The following TMEM178B variants were observed in gnomAD, a reference collection of about 807,000 sequenced individuals.
TMEM178B encodes the protein transmembrane protein 178B.
TMEM178B carries 5 observed loss-of-function variants against 31.0 expected under a neutral mutation model. The ratio of observed to expected loss-of-function variants is 0.16; its 90% CI spans 0.08 to 0.34. TMEM178B has a LOEUF of 0.34. TMEM178B is among the 10% of genes least tolerant of loss of function. The probability of loss-of-function intolerance (pLI) is 1.00; values close to 1 mark genes in which losing one functional copy is unlikely to be tolerated. For missense variants in TMEM178B, 275 were observed against 400.3 expected (o/e 0.69, Z 2.67); for synonymous variants, 164 against 164.0 (o/e 1.00, Z 0.00).
intron 1 of TMEM178B, among the ~76,000 whole-genome samples, chr7:141,082,031 C>G (rs770253610): frequency 3.9e-5 from 6 of 152,234 alleles, no homozygotes; most frequent in African/African-American, 1.4e-4. Context: ...GTATTCAGTA[C>G]AGTAACATGC....
chr7:141,452,162 C>T (rs1801876927), intron 3 of TMEM178B, among the ~76,000 whole-genome samples: 1 of 152,220 alleles, frequency 6.6e-6, no homozygotes, highest in Non-Finnish European at 1.5e-5. Flanking sequence ...ATTATCTCTG[C>T]ACAAATGAAT....
At chr7:141,457,530 C>T (rs1244951657) in intron 3 of TMEM178B, among the ~76,000 whole-genome samples, 1 of 151,982 alleles carries the variant, frequency 6.6e-6, no homozygotes, top group Non-Finnish European at 1.5e-5. Flanking sequence ...AGAATGGCTT[C>T]CTCATAAGAA....
intron 2 of TMEM178B, among the ~76,000 whole-genome samples, chr7:141,357,857 C>T (rs984715647): frequency 2.0e-5 from 3 of 152,296 alleles, no homozygotes; most frequent in South Asian, 2.1e-4. Context: ...CATGTGAGAA[C>T]ATTATCCAGA....
intron 2 of TMEM178B, among the ~76,000 whole-genome samples, chr7:141,213,062 G>T (rs1563119296): frequency 1.3e-5 from 2 of 152,158 alleles, no homozygotes; most frequent in Non-Finnish European, 2.9e-5. Context: ...CAAGTTGCTT[G>T]GAATATTATT....
chr7:141,160,802 G>A (rs1796156897), intron 1 of TMEM178B, among the ~76,000 whole-genome samples: 1 of 152,122 alleles, frequency 6.6e-6, no homozygotes, highest in Admixed American at 6.5e-5. Context: ...CAATTAATTG[G>A]CCTGCATAGA....
intron 1 of TMEM178B, among the ~76,000 whole-genome samples, chr7:141,140,630 C>T (rs909795255): frequency 6.6e-6 from 1 of 152,176 alleles, no homozygotes; most frequent in African/African-American, 2.4e-5. Context: ...ATCCAGGACT[C>T]CATATTAGAT....
chr7:141,160,148 C>T (rs973846004), intron 1 of TMEM178B, among the ~76,000 whole-genome samples: 1 of 151,668 alleles, frequency 6.6e-6, no homozygotes, highest in Non-Finnish European at 1.5e-5. Flanking sequence ...TTTTGCTGCA[C>T]CCATCACCCG....
At chr7:141,170,029 A>G (rs1285966476) in intron 1 of TMEM178B, among the ~76,000 whole-genome samples, 1 of 152,226 alleles carries the variant, frequency 6.6e-6, no homozygotes, top group Admixed American at 6.5e-5. Context: ...TGTATTTCAC[A>G]TTCTTTGGCT....
intron 2 of TMEM178B, among the ~76,000 whole-genome samples, chr7:141,359,512 A>G (rs1799880379): frequency 6.6e-6 from 1 of 152,220 alleles, no homozygotes; most frequent in South Asian, 2.1e-4. Flanking sequence ...GACTGTAAAC[A>G]ATCGTGATGA....
At chr7:141,206,513 G>A (rs1351975322) in intron 1 of TMEM178B, among the ~76,000 whole-genome samples, 20 of 152,254 alleles carry the variant, frequency 1.3e-4, no homozygotes, top group Admixed American at 9.2e-4. Flanking sequence ...AGGAACTGAC[G>A]GGAGATTGAA....
At chr7:141,277,785 T>A (rs1424795353) in intron 2 of TMEM178B, among the ~76,000 whole-genome samples, 1 of 152,154 alleles carries the variant, frequency 6.6e-6, no homozygotes, top group Non-Finnish European at 1.5e-5. Context: ...ATGTGATTCA[T>A]CAAATGTTGA....
At chr7:141,135,962 T>G (rs1795669399) in intron 1 of TMEM178B, among the ~76,000 whole-genome samples, 1 of 151,790 alleles carries the variant, frequency 6.6e-6, no homozygotes. Context: ...AACTGCTAGC[T>G]AGACTAACCA....
At chr7:141,085,025 C>T (rs745917474) in intron 1 of TMEM178B, among the ~76,000 whole-genome samples, 10 of 151,880 alleles carry the variant, frequency 6.6e-5, no homozygotes, top group Non-Finnish European at 1.5e-4. Flanking sequence ...ATTACAGGTG[C>T]GCACTGCCAC....
At chr7:141,319,418 T>C (rs62486671) in intron 2 of TMEM178B, among the ~76,000 whole-genome samples, 20,363 of 152,246 alleles carry the variant, frequency 0.13, 1,706 homozygotes, top group Non-Finnish European at 0.19. Flanking sequence ...ATTTGCTTAA[T>C]ATCCATTGTC....
At chr7:141,203,357 A>C (rs557821190) in intron 1 of TMEM178B, among the ~76,000 whole-genome samples, 35 of 152,330 alleles carry the variant, frequency 2.3e-4, no homozygotes, top group African/African-American at 8.2e-4. Context: ...AGACAGCGTC[A>C]AGTCCTAAAG....
chr7:141,417,894 T>A (rs1801129338), intron 2 of TMEM178B, among the ~76,000 whole-genome samples: 1 of 152,156 alleles, frequency 6.6e-6, no homozygotes, highest in Non-Finnish European at 1.5e-5. Flanking sequence ...TGAGGCCCAA[T>A]GATATTAAGG....
At chr7:141,363,731 A>T (rs888683988) in intron 2 of TMEM178B, among the ~76,000 whole-genome samples, 1 of 152,242 alleles carries the variant, frequency 6.6e-6, no homozygotes, top group African/African-American at 2.4e-5. Context: ...GCTGTTTTGA[A>T]TAAAGATAAG....
At position 141,300,559 on chromosome 7, in the gene TMEM178B, G is replaced by A. The variant is rs140937754; in HGVS notation, c.496+87855G>A. Among the ~76,000 whole-genome samples, 9 of 152,108 alleles carry A rather than the reference G, an allele frequency of 5.9e-5. No homozygotes were observed. In the South Asian group the frequency reaches 1.7e-3, roughly 28 times the overall value. Reference sequence around the variant, plus strand: ...GAGAACCTTTGTTTCTCCTCTCCGCGAGCTTGGATCCCTTCTTCTGCTTCT... The same window carrying A: ...GAGAACCTTTGTTTCTCCTCTCCGCAAGCTTGGATCCCTTCTTCTGCTTCT... On this transcript the variant is annotated intron_variant, in intron 2 of 3. Coordinates refer to ENST00000565468, the MANE Select transcript of TMEM178B (RefSeq NM_001195278.2).
chr7:141,152,315 C>T (rs1339103234), intron 1 of TMEM178B, among the ~76,000 whole-genome samples: 2 of 152,130 alleles, frequency 1.3e-5, no homozygotes, highest in African/African-American at 4.8e-5. Context: ...GCAGGGAGGC[C>T]CTTCTTGGTG....
Sources: allele counts gnomAD v4.1 joint callset (sites outside exome capture counted in the v4.1 genomes callset), GRCh38; gene constraint gnomAD v4.1.1; transcripts MANE v1.5; gene names NCBI Gene and HGNC (gene_info 2026-07-23, HGNC 2026-07-21).